Variants in GGA2 observed in about 807,000 individuals in gnomAD.
The protein encoded by GGA2 is ADP-ribosylation factor-binding protein GGA2.
Under a neutral mutation model 79.5 loss-of-function variants are expected in GGA2, and 48 were observed. The observed-to-expected ratio is 0.60, with a 90% CI of 0.48 to 0.77. GGA2 has a LOEUF of 0.77. Ranked by LOEUF, GGA2 falls within the 30% of genes least tolerant of loss-of-function variation. GGA2 has a pLI of 0.00. For synonymous variants in GGA2, 317 were observed against 302.0 expected (o/e 1.05, Z -0.51); for missense variants, 770 against 774.0 (o/e 0.99, Z 0.06).
intron 3 of GGA2, chr16:23,494,075 C>A (rs1422409205): frequency 1.8e-6 from 1 of 559,166 alleles, no homozygotes; most frequent in Non-Finnish European, 3.2e-6. Flanking sequence ...CCTTCCTTTC[C>A]TTCTCCCACA....
chr16:23,482,788 C>T, intron 9 of GGA2, 135 bp downstream of exon 9: 2 of 673,998 alleles, frequency 3.0e-6, no homozygotes, highest in Non-Finnish European at 5.5e-6. Context: ...CAACTCAGGC[C>T]ACACCCTCCC....
intron 6 of GGA2, among the ~76,000 whole-genome samples, chr16:23,487,260 G>A (rs1050803250): frequency 1.2e-4 from 19 of 152,180 alleles, no homozygotes; most frequent in Admixed American, 1.1e-3. Context: ...GATTACAGGC[G>A]TAAGCCAGCG....
At chr16:23,473,819 A>G (rs1268307928) in intron 14 of GGA2, among the ~76,000 whole-genome samples, 1 of 152,242 alleles carries the variant, frequency 6.6e-6, no homozygotes, top group Non-Finnish European at 1.5e-5. Context: ...TATTGAATTC[A>G]GAAAATTAAC....
In GGA2 at chr16:23,488,627, A is replaced by G; in HGVS notation, c.558T>C (p.Asp186=). 1 of 1,604,048 alleles carries G rather than the reference A, an allele frequency of 6.2e-7. No individual in the cohort carries two copies. The highest frequency in any genetic ancestry group is 8.5e-7 in the Non-Finnish European group (1 of 1,170,802). ...PSPWPKSSIF[D]ADEEKSKLLT... is the part of the protein sequence containing the mutation. The stretch of plus-strand genomic sequence containing the variant: ...TTACCTTGGACTTTTCTTCATCAGC[A>G]TCAAAGATGGAGCTCTTGGGCCAGG... The change falls in exon 6 of 17, where the codon GAT becomes GAC. Residue 186 remains aspartate, a synonymous_variant. Coordinates refer to ENST00000309859, the MANE Select transcript of GGA2 (RefSeq NM_015044.4).
Position 23,491,739 on chromosome 16 carries a change from C to A in GGA2, c.413G>T (p.Trp138Leu). ...KGRVIEILFS[W>L]TVWFPEDIKI... ...GATGTCTTCCGGAAACCAGACTGTC[C>A]AACTGAAGAGTATTTCAATGACTCT... Residue 138 changes from tryptophan to leucine, a missense_variant, in exon 5 of 17, where the codon TGG becomes TTG. Trp to Leu is a moderately conservative substitution (Grantham distance 61). Coordinates refer to ENST00000309859, the MANE Select transcript of GGA2 (RefSeq NM_015044.4). 6.2e-7 allele frequency: 1 copy of A among 1,611,014 alleles called. No individual in the cohort carries two copies. Among genetic ancestry groups the A allele is most frequent in the South Asian group, 1.1e-5 (1 of 91,014 alleles).
In GGA2 at chr16:23,486,014, C is replaced by A; in HGVS notation, c.798+1G>T. On this transcript the variant is annotated splice_donor_variant, in intron 8 of 16. Transcript: ENST00000309859. LOFTEE classifies it high-confidence loss of function. ...AGCCCCCTGTGTTACACCTGTATTA[C>A]CTGCAGGGCCTCCTGGTCGGGCGGG... 1 of 1,613,588 alleles carries A rather than the reference C, an allele frequency of 6.2e-7. No homozygotes were observed.
intron 10 of GGA2, 68 bp downstream of exon 10, chr16:23,480,577 C>T: frequency 7.3e-7 from 1 of 1,360,948 alleles, no homozygotes; most frequent in Non-Finnish European, 1.0e-6. Flanking sequence ...TGTTTAGGAC[C>T]CATTTCTTTT....
intron 2 of GGA2, among the ~76,000 whole-genome samples, chr16:23,516,171 C>T (rs891299024): frequency 2.0e-5 from 3 of 149,414 alleles, no homozygotes; most frequent in Non-Finnish European, 4.4e-5. Flanking sequence ...CCATGCCCGG[C>T]CAATTTTTTT....
chr16:23,472,502 G>A (rs1388373662), intron 14 of GGA2, among the ~76,000 whole-genome samples: 1 of 151,496 alleles, frequency 6.6e-6, no homozygotes, highest in East Asian at 2.0e-4. Context: ...CCAGCCTGTA[G>A]CCCTGTTTTT....
At chr16:23,482,862 G>A in intron 9 of GGA2, 61 bp downstream of exon 9, 3 of 960,266 alleles carry the variant, frequency 3.1e-6, no homozygotes, top group East Asian at 2.4e-5. Flanking sequence ...CAGTGTGACA[G>A]GAGGGACCGA....
intron 2 of GGA2, among the ~76,000 whole-genome samples, chr16:23,518,873 T>C (rs1965118544): frequency 6.6e-6 from 1 of 152,202 alleles, no homozygotes. Context: ...AAAGACAGAC[T>C]TCCTGCCATA....
At chr16:23,476,875 C>A (rs975850379) in intron 13 of GGA2, among the ~76,000 whole-genome samples, 3 of 152,158 alleles carry the variant, frequency 2.0e-5, no homozygotes, top group Non-Finnish European at 4.4e-5. Context: ...TTAAATAAAC[C>A]TCTTTTCAGA....
In GGA2 at chr16:23,465,133, C is replaced by G; in HGVS notation, c.*2457G>C. On this transcript the variant is annotated 3_prime_UTR_variant, in exon 17 of 17. Coordinates refer to ENST00000309859, the MANE Select transcript of GGA2 (RefSeq NM_015044.4). ...AGCTCCTTCAGGGTGGTGCCTGGCT[C>G]AGGGTAGCTGGTCAACAACTAGCTT... 1.7e-6 allele frequency: 1 copy of G among 588,280 alleles called. No homozygotes were observed. Among genetic ancestry groups the G allele is most frequent in the Non-Finnish European group, 3.0e-6 (1 of 330,446 alleles). 36.4% of individuals were successfully genotyped at this position (588,280 alleles called of 1,614,324 possible).
At chr16:23,502,992 G>A (rs1268668122) in intron 1 of GGA2, among the ~76,000 whole-genome samples, 3 of 152,206 alleles carry the variant, frequency 2.0e-5, no homozygotes, top group Non-Finnish European at 4.4e-5. Flanking sequence ...CATGATCTCT[G>A]CTGTCTTTTG....
chr16:23,486,895 T>C, intron 6 of GGA2, 105 bp from the exon 7 acceptor site: 1 of 768,974 alleles, frequency 1.3e-6, no homozygotes, highest in Admixed American at 1.7e-5. Context: ...TGCACACATT[T>C]TACATGCACC....
intron 13 of GGA2, among the ~76,000 whole-genome samples, chr16:23,476,397 G>C (rs1287630764): frequency 6.6e-6 from 1 of 152,068 alleles, no homozygotes; most frequent in Non-Finnish European, 1.5e-5. Context: ...AAAGGGACAG[G>C]ATCTATGAAA....
chr16:23,502,443 GA>G (rs1964930994), intron 1 of GGA2, among the ~76,000 whole-genome samples: 1 of 152,180 alleles, frequency 6.6e-6, no homozygotes, highest in South Asian at 2.1e-4. Flanking sequence ...AACAACAAAA[GA>G]GGAACATCTG....
Position 23,470,077 on chromosome 16 carries a change from C to T in GGA2, c.1539G>A (p.Glu513=), listed in dbSNP as rs1359951430. The change falls in exon 15 of 17, where the codon GAG becomes GAA. Residue 513 remains glutamate (E), a synonymous_variant. Transcript: ENST00000309859. The part of the protein sequence containing the change: ...FSQTGAPGHP[E]VQVLLLTMMS... ...TCATGGTCAAGAGCAGCACCTGTAC[C>T]TCTGGGTGCCCAGGGGCTCCCGTCT... 6.2e-7 allele frequency: 1 copy of T among 1,610,172 alleles called. No individual in the cohort carries two copies. Among genetic ancestry groups the T allele is most frequent in the African/African-American group, 1.3e-5 (1 of 74,832 alleles).
intron 16 of GGA2, among the ~76,000 whole-genome samples, chr16:23,468,263 C>T (rs762030889): frequency 3.3e-5 from 5 of 152,064 alleles, no homozygotes; most frequent in Non-Finnish European, 7.4e-5. Context: ...CTGCAACCTC[C>T]GCCTCTTGGG....
Sources: gnomAD v4.1 joint callset for allele counts (sites outside exome capture counted in the v4.1 genomes callset) on GRCh38, gnomAD v4.1.1 for gene constraint, MANE v1.5 for transcripts, NCBI Gene and HGNC (gene_info 2026-07-23, HGNC 2026-07-21) for gene names.